STK32B: variants seen among roughly 807,000 people sequenced by gnomAD.
STK32B encodes the protein serine/threonine kinase 32B, also known as serine/threonine-protein kinase 32B.
A neutral mutation model predicts 52.6 loss-of-function variants in STK32B; 43 were observed. The ratio of observed to expected loss-of-function variants is 0.82; its 90% CI spans 0.64 to 1.05. The LOEUF is 1.05. Ranked by LOEUF, STK32B falls within the 50% of genes least tolerant of loss-of-function variation. The probability of loss-of-function intolerance (pLI) is 0.00; values close to 1 mark genes in which losing one functional copy is unlikely to be tolerated. For synonymous variants in STK32B, 238 were observed against 204.3 expected, an observed-to-expected ratio of 1.17 and a Z score of -1.41; for missense variants, 621 against 534.6, an observed-to-expected ratio of 1.16 and a Z score of -1.59.
chr4:5,112,049 G>C (rs1345262853), intron 1 of STK32B, among the ~76,000 whole-genome samples: 2 of 152,174 alleles, frequency 1.3e-5, no homozygotes, highest in Non-Finnish European at 2.9e-5. Context: ...GCCCACCCAT[G>C]CCCATCAGTC....
chr4:5,358,314 A>T (rs1029121264), intron 4 of STK32B, among the ~76,000 whole-genome samples: 1 of 152,236 alleles, frequency 6.6e-6, no homozygotes, highest in African/African-American at 2.4e-5. Context: ...CTTTAAAAGG[A>T]TCCAATAAAT....
intron 3 of STK32B, among the ~76,000 whole-genome samples, chr4:5,196,334 GT>G (rs35605834): frequency 0.064 from 5,573 of 87,326 alleles, 102 homozygotes; most frequent in African/African-American, 0.16. Flanking sequence ...TCTTTCTTCA[GT>G]TTTTTTTTTT....
chr4:5,097,023 A>T (rs552184377), intron 1 of STK32B, among the ~76,000 whole-genome samples: 1 of 152,190 alleles, frequency 6.6e-6, no homozygotes, highest in Non-Finnish European at 1.5e-5. Context: ...AACTTATCCA[A>T]CTCACAAGAG....
At chr4:5,054,855 C>A (rs891073465) in intron 1 of STK32B, among the ~76,000 whole-genome samples, 2 of 152,162 alleles carry the variant, frequency 1.3e-5, no homozygotes, top group African/African-American at 4.8e-5. Context: ...CATCCACATT[C>A]CTAAGGCAAA....
intron 1 of STK32B, among the ~76,000 whole-genome samples, chr4:5,134,419 C>T: frequency 6.6e-6 from 1 of 152,134 alleles, no homozygotes; most frequent in East Asian, 1.9e-4. Flanking sequence ...TTATCTTGCG[C>T]TCTCCTGCCC....
intron 1 of STK32B, among the ~76,000 whole-genome samples, chr4:5,138,806 A>G (rs890108123): frequency 6.6e-6 from 1 of 152,214 alleles, no homozygotes; most frequent in Admixed American, 6.5e-5. Context: ...TAGAGAGAAC[A>G]AGGGTAGGGC....
At position 5,453,009 on chromosome 4, in the gene STK32B, A is replaced by G. The variant is rs537974771; in HGVS notation, c.667-3798A>G. On this transcript the variant is annotated intron_variant, in intron 7 of 11. Coordinates refer to ENST00000282908, the MANE Select transcript of STK32B (RefSeq NM_018401.3). The surrounding 1 kb of genome is among the most constrained non-coding windows in gnomAD (Gnocchi z 4.0). ...GATCTTAATATTTGCCAGTCATCTT[A>G]TAAAAGAACCTACGTTTCTCTACAA... Among the ~76,000 whole-genome samples the G allele has an allele frequency of 6.6e-6, 1 of 152,142 alleles. No individual in the cohort carries two copies. The highest frequency in any genetic ancestry group is 2.1e-4 in the South Asian group (1 of 4,830).
intron 11 of STK32B, among the ~76,000 whole-genome samples, chr4:5,496,947 G>A (rs749401208): frequency 3.3e-5 from 5 of 152,134 alleles, no homozygotes; most frequent in South Asian, 2.1e-4. Context: ...CTTAGAGAAC[G>A]ATAAAGAAAA....
chr4:5,342,153 A>T (rs1327555630), intron 4 of STK32B, among the ~76,000 whole-genome samples: 1 of 152,186 alleles, frequency 6.6e-6, no homozygotes, highest in Non-Finnish European at 1.5e-5. Flanking sequence ...TTCCTCAAGG[A>T]TCTAGAACTA....
intron 4 of STK32B, among the ~76,000 whole-genome samples, chr4:5,376,060 C>T (rs1735566521): frequency 6.6e-6 from 1 of 152,154 alleles, no homozygotes. Flanking sequence ...ACTATCCAGC[C>T]CCCAGCACAC....
intron 4 of STK32B, among the ~76,000 whole-genome samples, chr4:5,367,479 G>C (rs1380496098): frequency 1.3e-5 from 2 of 152,056 alleles, no homozygotes; most frequent in Admixed American, 6.5e-5. Context: ...TGTTAGTGGA[G>C]GCTGGGGGGT....
Position 5,469,245 on chromosome 4 carries a change from A to G in STK32B, c.1106+1175A>G, listed in dbSNP as rs1717671025. Among the ~76,000 whole-genome samples the G allele has an allele frequency of 6.6e-6, 1 of 152,190 alleles. No individual in the cohort carries two copies. The highest frequency in any genetic ancestry group is 2.1e-4 in the South Asian group (1 of 4,834). Reference sequence around the variant, plus strand: ...TGATTGACTCAAAAAATCATTGATTACAGGCCCTTATGCAATCCCCAGTAT... The same window carrying G: ...TGATTGACTCAAAAAATCATTGATTGCAGGCCCTTATGCAATCCCCAGTAT... On this transcript the variant is annotated intron_variant, in intron 11 of 11. Transcript: ENST00000282908. This position sits in a 1 kb window ranked among gnomAD's most constrained non-coding sequence, Gnocchi z 4.7.
chr4:5,306,251 T>C (rs544232597), intron 3 of STK32B, among the ~76,000 whole-genome samples: 2 of 152,270 alleles, frequency 1.3e-5, no homozygotes, highest in Admixed American at 1.3e-4. Flanking sequence ...AAGTTCATTG[T>C]TTCTTTGTGG....
intron 3 of STK32B, among the ~76,000 whole-genome samples, chr4:5,313,539 T>C (rs1164652118): frequency 6.6e-6 from 1 of 152,086 alleles, no homozygotes; most frequent in East Asian, 1.9e-4. Flanking sequence ...ATAAGGCATA[T>C]AGATTAGAAA....
chr4:5,145,286 A>G (rs993916111), intron 2 of STK32B, among the ~76,000 whole-genome samples: 1 of 152,224 alleles, frequency 6.6e-6, no homozygotes, highest in Non-Finnish European at 1.5e-5. Context: ...GATGCATTTT[A>G]TAGCAAATTG....
At position 5,120,863 on chromosome 4, in the gene STK32B, C is replaced by A. The variant is rs976793641; in HGVS notation, c.53-19042C>A. 6.1e-4 allele frequency among the ~76,000 whole-genome samples: 92 copies of A among 151,102 alleles called. 1 individual carries two copies. Among genetic ancestry groups the A allele is most frequent in the African/African-American group, 2.1e-3 (87 of 41,286 alleles). ...TTCTATATATTATAAAATAATATAA[C>A]ACTTCATTTAAGAAATTATATTATA... On this transcript the variant is annotated intron_variant, in intron 1 of 11. Transcript: ENST00000282908.
At chr4:5,131,294 C>T (rs751065486) in intron 1 of STK32B, among the ~76,000 whole-genome samples, 2 of 152,202 alleles carry the variant, frequency 1.3e-5, no homozygotes, top group Non-Finnish European at 2.9e-5. Flanking sequence ...AATCAGCTTT[C>T]GTCAGGCAGG....
chr4:5,477,602 ATG>A (rs1186256543), intron 11 of STK32B, among the ~76,000 whole-genome samples: 2 of 152,182 alleles, frequency 1.3e-5, no homozygotes, highest in Non-Finnish European at 2.9e-5. Flanking sequence ...CTGTATGTCC[ATG>A]GCAGGTCAGC....
rs1050667180 is a variant in STK32B at position 5,467,269 on chromosome 4, A to G, written c.1041+435A>G. Among the ~76,000 whole-genome samples, 5 of 152,298 alleles carry G rather than the reference A, an allele frequency of 3.3e-5. No individual in the cohort carries two copies. The highest frequency in any genetic ancestry group is 1.2e-4 in the African/African-American group (5 of 41,562). ...TGATTCTCTCACGGTTCTGGAGGCC[A>G]GAAATCCAAACTCAAGGTCTCCGCA... is the stretch of plus-strand genomic sequence containing the variant. On this transcript the variant is annotated intron_variant, in intron 10 of 11. Transcript: ENST00000282908. This position sits in a 1 kb window ranked among gnomAD's most constrained non-coding sequence, Gnocchi z 5.8.
Sources: gnomAD v4.1 joint callset for allele counts (sites outside exome capture counted in the v4.1 genomes callset) on GRCh38, gnomAD v4.1.1 for gene constraint, Gnocchi (gnomAD v3.1) non-coding constraint, MANE v1.5 for transcripts, NCBI Gene and HGNC (gene_info 2026-07-23, HGNC 2026-07-21) for gene names.